FSTL4: variants seen among roughly 807,000 people sequenced by gnomAD.
FSTL4 encodes the protein follistatin-related protein 4.
FSTL4 carries 28 observed loss-of-function variants against 78.2 expected under a neutral mutation model. The ratio of observed to expected loss-of-function variants is 0.36; its 90% CI spans 0.27 to 0.49. FSTL4 has a LOEUF of 0.49. FSTL4 is among the 20% of genes least tolerant of loss of function. The pLI is 0.98. For missense variants in FSTL4, 922 were observed against 1,084.9 expected, an observed-to-expected ratio of 0.85 and a Z score of 2.11; for synonymous variants, 422 against 440.5, an observed-to-expected ratio of 0.96 and a Z score of 0.53.
Position 133,233,424 on chromosome 5 carries a change from C to A in FSTL4, c.1008G>T (p.Gln336His). 6.2e-7 allele frequency: 1 copy of A among 1,614,160 alleles called. No individual in the cohort carries two copies. Among genetic ancestry groups the A allele is most frequent in the South Asian group, 1.1e-5 (1 of 91,076 alleles). ...HEQLFQTHVL[Q>H]VNVPPVIRVY... is the part of the protein sequence containing the mutation. ...ATGGAGCCATTTACTAACCATTCAC[C>A]TGCAGGACGTGGGTCTGGAACAGCT... The change falls in exon 8 of 16, where the codon CAG becomes CAT. Residue 336 changes from glutamine (Q) to histidine (H), a missense_variant. Transcript: ENST00000265342.
At chr5:133,804,076 T>C in the FSTL4 span, among the ~76,000 whole-genome samples, 1 of 152,250 alleles carries the variant, frequency 6.6e-6, no homozygotes, top group Non-Finnish European at 1.5e-5. Context: ...GTAGCCTTTC[T>C]GAATTTTGCT....
chr5:133,632,804 A>C, the FSTL4 span, among the ~76,000 whole-genome samples: 1 of 152,098 alleles, frequency 6.6e-6, no homozygotes, highest in Non-Finnish European at 1.5e-5. Flanking sequence ...CTCCCAATGC[A>C]GCCTCCCAAG....
chr5:133,836,958 T>C, the FSTL4 span, among the ~76,000 whole-genome samples: 1 of 152,174 alleles, frequency 6.6e-6, no homozygotes, highest in East Asian at 1.9e-4. Context: ...TGGGGGTTCA[T>C]AGTGCTTCTT....
At chr5:133,782,172 T>C in the FSTL4 span, among the ~76,000 whole-genome samples, 1 of 152,248 alleles carries the variant, frequency 6.6e-6, no homozygotes, top group Non-Finnish European at 1.5e-5. Flanking sequence ...AACCCATCTG[T>C]GGGAAAATAT....
chr5:133,589,634 G>A (rs1760582775), intron 2 of FSTL4, among the ~76,000 whole-genome samples: 1 of 152,140 alleles, frequency 6.6e-6, no homozygotes. Flanking sequence ...AGAAGGTCAA[G>A]AGGCCACCCA....
At chr5:133,316,410 G>T in intron 5 of FSTL4, 49 bp downstream of exon 5, 1 of 1,488,916 alleles carries the variant, frequency 6.7e-7, no homozygotes, top group South Asian at 1.2e-5. Flanking sequence ...GTGGGAAATG[G>T]AAAACTGGAT....
intron 3 of FSTL4, among the ~76,000 whole-genome samples, chr5:133,520,330 G>A (rs1235340706): frequency 6.6e-6 from 1 of 151,376 alleles, no homozygotes; most frequent in Non-Finnish European, 1.5e-5. Flanking sequence ...TCTTCATCTC[G>A]AGAAAGCCAC....
At chr5:133,558,024 G>A (rs143382593) in intron 3 of FSTL4, among the ~76,000 whole-genome samples, 2 of 152,134 alleles carry the variant, frequency 1.3e-5, no homozygotes, top group African/African-American at 2.4e-5. Flanking sequence ...CTGAACAAAT[G>A]CTCTCTCTAT....
At position 133,312,392 on chromosome 5, in the gene FSTL4, C is replaced by G. The variant is rs530297754; in HGVS notation, c.727+262G>C. On this transcript the variant is annotated intron_variant, in intron 6 of 15. Coordinates refer to ENST00000265342, the MANE Select transcript of FSTL4 (RefSeq NM_015082.2). Reference sequence around the variant, plus strand: ...TGTTCACAGTGCCCTCACAGCTATGCTTCAATTACAGTCCTGGGCCCCTCA... The same window carrying G: ...TGTTCACAGTGCCCTCACAGCTATGGTTCAATTACAGTCCTGGGCCCCTCA... 4 of 472,742 alleles carry G rather than the reference C, an allele frequency of 8.5e-6. No individual in the cohort carries two copies. The Admixed American group carries it at 1.5e-4, about 17-fold the overall frequency. The allele number at this position is 472,742 out of a possible 1,614,324, so 29.3% of individuals were successfully genotyped here. A position where few individuals can be genotyped will look rare whatever the true frequency, so the allele number is the denominator to read the frequency against.
intron 3 of FSTL4, among the ~76,000 whole-genome samples, chr5:133,449,592 G>A (rs1757340547): frequency 6.6e-6 from 1 of 152,210 alleles, no homozygotes; most frequent in African/African-American, 2.4e-5. Context: ...GACAGTGACT[G>A]AAAGGGCGGA....
chr5:133,205,371 A>ATGTC (rs1750464012), intron 14 of FSTL4, among the ~76,000 whole-genome samples: 1 of 132,346 alleles, frequency 7.6e-6, no homozygotes, highest in African/African-American at 2.8e-5. Flanking sequence ...CCTGGATTCT[A>ATGTC]TGTCTTTTTC....
chr5:133,728,270 A>G, the FSTL4 span, among the ~76,000 whole-genome samples: 3 of 152,214 alleles, frequency 2.0e-5, no homozygotes, highest in African/African-American at 4.8e-5. Flanking sequence ...ATGGTCCCCA[A>G]TGCTCAAGGA....
the FSTL4 span, among the ~76,000 whole-genome samples, chr5:133,795,102 T>G: frequency 2.0e-5 from 3 of 152,168 alleles, no homozygotes; most frequent in Non-Finnish European, 4.4e-5. Flanking sequence ...TGCAGGTGAT[T>G]GGGGATGGGA....
the FSTL4 span, among the ~76,000 whole-genome samples, chr5:133,841,656 A>T: frequency 6.6e-6 from 1 of 152,300 alleles, no homozygotes; most frequent in South Asian, 2.1e-4. Context: ...GGGGCAAGCC[A>T]TGTGCCCAGA....
intron 15 of FSTL4, 77 bp downstream of exon 15, chr5:133,201,856 C>T: frequency 1.3e-6 from 1 of 787,764 alleles, no homozygotes; most frequent in South Asian, 1.9e-5. Context: ...GAGCAGGTCC[C>T]ATGCTGGGCA....
intron 3 of FSTL4, among the ~76,000 whole-genome samples, chr5:133,528,688 C>G (rs1331046069): frequency 6.6e-6 from 1 of 152,234 alleles, no homozygotes; most frequent in African/African-American, 2.4e-5. Flanking sequence ...CAGGCCAAGG[C>G]CACTGTTCCC....
At chr5:133,481,447 C>A (rs1396152605) in intron 3 of FSTL4, among the ~76,000 whole-genome samples, 1 of 146,132 alleles carries the variant, frequency 6.8e-6, no homozygotes, top group East Asian at 2.0e-4. Context: ...GAGGCTGAGG[C>A]AGGAGAATCA....
intron 8 of FSTL4, among the ~76,000 whole-genome samples, chr5:133,229,884 G>A (rs151004580): frequency 2.6e-4 from 39 of 152,312 alleles, no homozygotes; most frequent in Non-Finnish European, 4.4e-4. Flanking sequence ...TTTCTGTCTG[G>A]GGGAAGTGAT....
intron 4 of FSTL4, among the ~76,000 whole-genome samples, chr5:133,394,818 T>C (rs1755961844): frequency 6.6e-6 from 1 of 152,206 alleles, no homozygotes; most frequent in Admixed American, 6.5e-5. Context: ...GGCTCCTGAG[T>C]CTAGTAGGGA....
Sources: gnomAD v4.1 joint callset for allele counts (sites outside exome capture counted in the v4.1 genomes callset) on GRCh38, gnomAD v4.1.1 for gene constraint, MANE v1.5 for transcripts, NCBI Gene and HGNC (gene_info 2026-07-23, HGNC 2026-07-21) for gene names.